SCN11A: variants seen among roughly 807,000 people sequenced by gnomAD.
SCN11A encodes sodium channel protein type 11 subunit alpha.
Under a neutral mutation model 162.2 loss-of-function variants are expected in SCN11A, and 122 were observed. That is an observed-to-expected ratio of 0.75 (90% confidence interval 0.65 to 0.87). The LOEUF (loss-of-function observed/expected upper bound fraction) is 0.87, where lower values mean the gene tolerates loss of function less well. Among genes scored for constraint, SCN11A ranks in the 40% least tolerant of loss-of-function variants. The pLI is 0.00. For synonymous variants in SCN11A, 758 were observed against 751.5 expected, an observed-to-expected ratio of 1.01 and a Z score of -0.14; for missense variants, 2,015 against 2,181.6, an observed-to-expected ratio of 0.92 and a Z score of 1.52.
At chr3:39,027,536 G>A (rs2031619102) in intron 2 of SCN11A, among the ~76,000 whole-genome samples, 1 of 152,204 alleles carries the variant, frequency 6.6e-6, no homozygotes, top group African/African-American at 2.4e-5. Flanking sequence ...TTGGCACTCA[G>A]CTGTGGGCAA....
At chr3:38,946,579 T>A (rs963395807) in intron 6 of SCN11A, among the ~76,000 whole-genome samples, 3 of 152,222 alleles carry the variant, frequency 2.0e-5, no homozygotes, top group Non-Finnish European at 2.9e-5. Context: ...GCCTGCCTTT[T>A]AGTCTATGCC....
intron 2 of SCN11A, among the ~76,000 whole-genome samples, chr3:38,979,176 C>T (rs542016479): frequency 2.0e-5 from 3 of 152,238 alleles, no homozygotes; most frequent in Admixed American, 6.5e-5. Flanking sequence ...TAGCATGGTG[C>T]CTGACACACT....
chr3:38,960,368 C>A lies in SCN11A; in HGVS notation c.-224G>T, dbSNP rs933347153. Among the ~76,000 whole-genome samples the A allele has an allele frequency of 6.6e-6, 1 of 152,140 alleles. No homozygotes were observed. The highest frequency in any genetic ancestry group is 2.4e-5 in the African/African-American group (1 of 41,428). Reference sequence around the variant, plus strand: ...ACAGAGCAAGTCTCTCAGCAGAGTTCGAGCTTCTGCTCCTGGCAGCTGCCT... The same window carrying A: ...ACAGAGCAAGTCTCTCAGCAGAGTTAGAGCTTCTGCTCCTGGCAGCTGCCT... On this transcript the variant is annotated 5_prime_UTR_variant, in exon 3 of 30. An upstream open reading frame in the 5' UTR gains an earlier in-frame stop. Coordinates refer to ENST00000302328, the MANE Select transcript of SCN11A (RefSeq NM_001349253.2).
chr3:38,962,743 G>C (rs2066749378), intron 2 of SCN11A, among the ~76,000 whole-genome samples: 1 of 152,078 alleles, frequency 6.6e-6, no homozygotes, highest in Non-Finnish European at 1.5e-5. Flanking sequence ...AGCTACTCAG[G>C]AGGCTGAGGC....
intron 19 of SCN11A, among the ~76,000 whole-genome samples, chr3:38,886,724 CAT>C (rs2065406599): frequency 6.7e-6 from 1 of 150,278 alleles, no homozygotes; most frequent in Admixed American, 6.6e-5. Context: ...AACTTGCTAT[CAT>C]GTGGGGTACA....
intron 1 of SCN11A, among the ~76,000 whole-genome samples, chr3:39,046,467 T>C (rs2125619127): frequency 6.6e-6 from 1 of 152,204 alleles, no homozygotes; most frequent in Non-Finnish European, 1.5e-5. Context: ...TTAAATGGAA[T>C]CCCTATCAAA....
chr3:38,856,575 CT>C (rs2064872866), intron 28 of SCN11A, among the ~76,000 whole-genome samples: 1 of 152,146 alleles, frequency 6.6e-6, no homozygotes, highest in South Asian at 2.1e-4. Flanking sequence ...TCCCAGCCAC[CT>C]TCATCAAGGC....
At chr3:38,934,245 A>G (rs1166147773) in intron 7 of SCN11A, among the ~76,000 whole-genome samples, 1 of 152,248 alleles carries the variant, frequency 6.6e-6, no homozygotes, top group Non-Finnish European at 1.5e-5. Context: ...GGAAAAGAAC[A>G]ACCGATACCA....
chr3:38,986,412 G>T (rs1369279663), intron 2 of SCN11A, among the ~76,000 whole-genome samples: 4 of 152,218 alleles, frequency 2.6e-5, no homozygotes, highest in Non-Finnish European at 4.4e-5. Flanking sequence ...GTGGAGCTGG[G>T]TGTTCCCCAT....
intron 19 of SCN11A, among the ~76,000 whole-genome samples, chr3:38,888,920 G>A (rs2065447175): frequency 6.6e-6 from 1 of 152,006 alleles, no homozygotes; most frequent in South Asian, 2.1e-4. Context: ...GGTGATGGGT[G>A]CACCAAAATC....
intron 18 of SCN11A, among the ~76,000 whole-genome samples, chr3:38,896,000 A>G (rs1331940350): frequency 6.6e-6 from 1 of 152,224 alleles, no homozygotes; most frequent in Non-Finnish European, 1.5e-5. Flanking sequence ...AATGAAGTGC[A>G]CTTAATTAGC....
In SCN11A at chr3:38,896,974, G is replaced by T; in HGVS notation, c.2274C>A (p.Phe758Leu). 6.2e-7 allele frequency: 1 copy of T among 1,614,090 alleles called. No homozygotes were observed. Among genetic ancestry groups the T allele is most frequent in the Non-Finnish European group, 8.5e-7 (1 of 1,180,016 alleles). ...CGCAGAGGATGCGGAATACCACTAG[G>T]AAGGAGTGCCAGAAATCCCCCATGT... Reference protein sequence around the residue: ...HWHMGDFWHSFLVVFRILCGE... With the variant: ...HWHMGDFWHSLLVVFRILCGE... The change falls in exon 18 of 30, where the codon TTC (phenylalanine) becomes TTA (leucine). Residue 758 changes from phenylalanine to leucine, a missense_variant. By Grantham distance (22) the Phe-to-Leu change is conservative. Transcript: ENST00000302328.
In SCN11A at chr3:38,894,934, T is replaced by C. The variant is rs1323637956; in HGVS notation, c.2434A>G (p.Asn812Asp). ...VLNLFIALLL[N>D]SFSNEERNGN... ...TTTCTTTCCTCATTGCTAAAGGAATTGAGCAGTAAGGCAATGAAGAGGTTG... is the reference window on the plus strand; with the variant it reads ...TTTCTTTCCTCATTGCTAAAGGAATCGAGCAGTAAGGCAATGAAGAGGTTG... The change falls in exon 19 of 30, where the codon AAT (asparagine) becomes GAT (aspartate). Residue 812 changes from asparagine to aspartate, a missense_variant. By Grantham distance (23) the Asn-to-Asp change is conservative. Transcript: ENST00000302328. 6.2e-7 allele frequency: 1 copy of C among 1,613,098 alleles called. No individual in the cohort carries two copies. Among genetic ancestry groups the C allele is most frequent in the Non-Finnish European group, 8.5e-7 (1 of 1,179,316 alleles).
At chr3:39,049,634 T>C (rs1359889530) in intron 1 of SCN11A, among the ~76,000 whole-genome samples, 1 of 152,242 alleles carries the variant, frequency 6.6e-6, no homozygotes, top group Non-Finnish European at 1.5e-5. Flanking sequence ...ATCCCATGCA[T>C]AGCTCCAATC....
intron 7 of SCN11A, among the ~76,000 whole-genome samples, chr3:38,936,790 T>C (rs1036264899): frequency 2.0e-5 from 3 of 152,136 alleles, no homozygotes; most frequent in Non-Finnish European, 4.4e-5. Flanking sequence ...AAAATGGCCA[T>C]ACTGCCCAAG....
chr3:38,975,340 C>T (rs766191666), intron 2 of SCN11A, among the ~76,000 whole-genome samples: 3 of 152,042 alleles, frequency 2.0e-5, no homozygotes, highest in Admixed American at 6.6e-5. Flanking sequence ...CAAACTCTGA[C>T]TCTGAAGTTA....
At chr3:38,868,696 C>T (rs1354573500) in intron 26 of SCN11A, among the ~76,000 whole-genome samples, 1 of 152,046 alleles carries the variant, frequency 6.6e-6, no homozygotes, top group Non-Finnish European at 1.5e-5. Context: ...CTCTTTGGGT[C>T]TGGAAAGGGG....
In SCN11A at chr3:38,908,057, T is replaced by G. The variant is rs768322031; in HGVS notation, c.1365A>C (p.Pro455=). ...LTSLETSYFT[P]KKRKLFGNKK... is the part of the protein sequence containing the mutation. ...TATTACCAAAGAGCTTTCTCTTTTT[T>G]GGGGTAAAATATGATGTTTCAAGGG... The change falls in exon 14 of 30, where the codon CCA becomes CCC. Residue 455 remains proline (P), a synonymous_variant. Transcript: ENST00000302328. The G allele has an allele frequency of 9.9e-6, 16 of 1,613,636 alleles. No individual in the cohort carries two copies. Among genetic ancestry groups the G allele is most frequent in the Admixed American group, 1.7e-5 (1 of 59,946 alleles).
intron 2 of SCN11A, among the ~76,000 whole-genome samples, chr3:39,010,751 T>C (rs149608065): frequency 3.0e-4 from 46 of 152,334 alleles, no homozygotes; most frequent in African/African-American, 1.1e-3. Context: ...AGATAGCAGC[T>C]AAATTTTCTG....
Sources: allele counts gnomAD v4.1 joint callset (sites outside exome capture counted in the v4.1 genomes callset), GRCh38; gene constraint gnomAD v4.1.1; transcripts MANE v1.5; gene names NCBI Gene and HGNC (gene_info 2026-07-23, HGNC 2026-07-21).